The following OPRM1 variants were observed in gnomAD, a reference collection of about 807,000 sequenced individuals.
OPRM1 encodes opioid receptor mu 1.
Under a neutral mutation model 31.8 loss-of-function variants are expected in OPRM1, and 27 were observed. The observed-to-expected ratio is 0.85, with a 90% CI of 0.63 to 1.17. OPRM1 has a LOEUF of 1.17. Among genes scored for constraint, OPRM1 ranks in the 50% most tolerant of loss-of-function variants. The pLI, the probability that OPRM1 is intolerant of heterozygous loss-of-function variation, is 0.00. For missense variants in OPRM1, 536 were observed against 511.1 expected, an observed-to-expected ratio of 1.05 and a Z score of -0.47; for synonymous variants, 196 against 189.9, an observed-to-expected ratio of 1.03 and a Z score of -0.26.
intron 3 of OPRM1, among the ~76,000 whole-genome samples, chr6:154,152,034 G>T (rs757822623): frequency 1.3e-5 from 2 of 151,626 alleles, no homozygotes; most frequent in Non-Finnish European, 2.9e-5. Context: ...AAAGTTAGCC[G>T]GGTATGGTGG....
intron 3 of OPRM1, among the ~76,000 whole-genome samples, chr6:154,233,968 A>G (rs891039860): frequency 1.3e-5 from 2 of 152,138 alleles, no homozygotes; most frequent in East Asian, 3.9e-4. Flanking sequence ...CGGCACTTTG[A>G]GAGGCCAAAG....
chr6:154,161,215 ATTT>A (rs778278528), intron 3 of OPRM1, among the ~76,000 whole-genome samples: 4 of 133,832 alleles, frequency 3.0e-5, no homozygotes, highest in Admixed American at 7.5e-5. Context: ...TTTTCTTTTC[ATTT>A]TTTTTTTTTT....
chr6:154,072,749 C>A (rs3778153), intron 1 of OPRM1, among the ~76,000 whole-genome samples: 21,314 of 152,046 alleles, frequency 0.14, 1,577 homozygotes, highest in Non-Finnish European at 0.17. Flanking sequence ...AGAGATAAGA[C>A]AAAATGAATT....
At chr6:154,031,661 A>C (rs1779013817) in intron 1 of OPRM1, among the ~76,000 whole-genome samples, 1 of 152,152 alleles carries the variant, frequency 6.6e-6, no homozygotes, top group Non-Finnish European at 1.5e-5. Context: ...GAATCGCTTG[A>C]ACTTGGGAGG....
intron 3 of OPRM1, among the ~76,000 whole-genome samples, chr6:154,138,511 G>A (rs558051073): frequency 1.1e-4 from 16 of 152,264 alleles, no homozygotes; most frequent in African/African-American, 3.9e-4. Context: ...CATATGGAAG[G>A]AATAAGGAGC....
chr6:154,229,775 C>T (rs1190218970), intron 3 of OPRM1, among the ~76,000 whole-genome samples: 2 of 152,302 alleles, frequency 1.3e-5, no homozygotes, highest in South Asian at 4.1e-4. Context: ...GCATGCAAAT[C>T]GTTATAACAG....
At chr6:154,212,582 T>C (rs1430380320) in intron 3 of OPRM1, among the ~76,000 whole-genome samples, 4 of 152,234 alleles carry the variant, frequency 2.6e-5, no homozygotes, top group Non-Finnish European at 5.9e-5. Flanking sequence ...ACCAAGTTTA[T>C]CATACCACTG....
intron 1 of OPRM1, among the ~76,000 whole-genome samples, chr6:154,030,112 T>C (rs73788968): frequency 6.6e-6 from 1 of 152,264 alleles, no homozygotes; most frequent in South Asian, 2.1e-4. Flanking sequence ...AACACAATGG[T>C]CTATCATTAA....
intron 1 of OPRM1, among the ~76,000 whole-genome samples, chr6:154,026,213 G>C (rs879825340): frequency 2.7e-5 from 4 of 149,212 alleles, no homozygotes; most frequent in Non-Finnish European, 4.4e-5. Context: ...GCAGAAATAG[G>C]GTAAATTTTT....
At chr6:154,163,579 T>C (rs1799195879) in intron 3 of OPRM1, among the ~76,000 whole-genome samples, 1 of 152,236 alleles carries the variant, frequency 6.6e-6, no homozygotes, top group Admixed American at 6.5e-5. Context: ...GGCCTTTTTA[T>C]CTGACATGCC....
intron 3 of OPRM1, among the ~76,000 whole-genome samples, chr6:154,243,584 G>A (rs1780774021): frequency 6.6e-6 from 1 of 152,162 alleles, no homozygotes; most frequent in Non-Finnish European, 1.5e-5. Flanking sequence ...GGGATTCAAT[G>A]ACAATGAGAT....
intron 1 of OPRM1, among the ~76,000 whole-genome samples, chr6:154,078,990 AG>A (rs1295451893): frequency 6.6e-6 from 1 of 152,228 alleles, no homozygotes; most frequent in Non-Finnish European, 1.5e-5. Flanking sequence ...CCACACAGAG[AG>A]GAAGAGAGGA....
At chr6:154,214,537 C>T (rs1778230467) in intron 3 of OPRM1, among the ~76,000 whole-genome samples, 1 of 152,136 alleles carries the variant, frequency 6.6e-6, no homozygotes, top group African/African-American at 2.4e-5. Flanking sequence ...TTAGGTATTC[C>T]AAATATATGA....
intron 1 of OPRM1, among the ~76,000 whole-genome samples, chr6:154,078,800 C>T (rs547430603): frequency 2.4e-4 from 37 of 152,226 alleles, no homozygotes; most frequent in African/African-American, 8.4e-4. Context: ...ATCGCTTGAA[C>T]AGAGGAGGTC....
rs1165338713 is a variant in OPRM1 at position 154,152,296 on chromosome 6, GAAGAAAGAAAGAAAGAAAGAAAGA to G, written c.1164+60852_1164+60875del. Among the ~76,000 whole-genome samples the G allele has an allele frequency of 2.2e-4, 21 of 96,596 alleles. 1 individual carries two copies. The highest frequency in any genetic ancestry group is 1.1e-3 in the East Asian group (4 of 3,484). 63.4% of individuals were successfully genotyped at this position (96,596 alleles called of 152,430 possible). ...AAGAAAAGGAAAGAAAAGGAAGAGA[GAAGAAAGAAAGAAAGAAAGAAAGA>G]AAGAAAGAAAGAAAGAAAGAAAGAA... On this transcript the variant is annotated intron_variant, in intron 3 of 3. Coordinates refer to the OPRM1 transcript ENST00000337049.
chr6:154,199,645 G>A, intron 3 of OPRM1: 1 of 1,560,768 alleles, frequency 6.4e-7, no homozygotes, highest in Non-Finnish European at 8.7e-7. Flanking sequence ...CTCTAACGAA[G>A]AATAAATAAT....
chr6:154,166,286 C>T lies in OPRM1; in HGVS notation c.1164+74814C>T, dbSNP rs2281617. Among the ~76,000 whole-genome samples, 27,441 of 152,146 alleles carry T rather than the reference C, an allele frequency of 0.18. 2,896 individuals are homozygous for T. Among genetic ancestry groups the T allele is most frequent in the East Asian group, 0.41 (2,099 of 5,150 alleles). On this transcript the variant is annotated intron_variant, in intron 3 of 3. Transcript: ENST00000337049. Reference sequence around the variant, plus strand: ...CTAATTCTTTTCACAAAGTTGGCCCCCCAGTGGCCAGGTGAGGGCATGGTG... The same window carrying T: ...CTAATTCTTTTCACAAAGTTGGCCCTCCAGTGGCCAGGTGAGGGCATGGTG...
At chr6:154,160,898 C>A (rs952930601) in intron 3 of OPRM1, among the ~76,000 whole-genome samples, 1 of 152,168 alleles carries the variant, frequency 6.6e-6, no homozygotes, top group Non-Finnish European at 1.5e-5. Context: ...CCTCCAATGC[C>A]CACTTCAACT....
chr6:154,048,782 A>G (rs988293109), intron 1 of OPRM1, among the ~76,000 whole-genome samples: 1 of 152,258 alleles, frequency 6.6e-6, no homozygotes, highest in Admixed American at 6.5e-5. Context: ...ACAAACACAT[A>G]CATGTCTATA....
Sources: allele counts gnomAD v4.1 joint callset (sites outside exome capture counted in the v4.1 genomes callset), GRCh38; gene constraint gnomAD v4.1.1; transcripts MANE v1.5; gene names NCBI Gene and HGNC (gene_info 2026-07-23, HGNC 2026-07-21).